GABRG3: variants seen among roughly 807,000 people sequenced by gnomAD.
The protein encoded by GABRG3 is gamma-aminobutyric acid receptor subunit gamma-3.
In GABRG3, 25 loss-of-function variants were observed where a neutral mutation model predicts 48.8. The ratio of observed to expected loss-of-function variants is 0.51; its 90% CI spans 0.37 to 0.72. The LOEUF (loss-of-function observed/expected upper bound fraction) is 0.72. Ranked by LOEUF, GABRG3 falls within the 30% of genes least tolerant of loss-of-function variation. GABRG3 has a pLI of 0.00. For synonymous variants in GABRG3, 227 were observed against 217.6 expected (o/e 1.04, Z -0.38); for missense variants, 394 against 577.9 (o/e 0.68, Z 3.26).
chr15:27,137,755 C>T lies in GABRG3; in HGVS notation c.270+110934C>T, dbSNP rs577509140. Among the ~76,000 whole-genome samples the T allele has an allele frequency of 8.5e-5, 13 of 152,248 alleles. No homozygotes were observed. The South Asian group carries it at 2.3e-3, about 27-fold the overall frequency. ...TACATCCAAGGCACATGTGGTTTTT[C>T]GTTTCATAAAGCGATAGATATTCTG... On this transcript the variant is annotated intron_variant, in intron 3 of 9. Transcript: ENST00000615808.
intron 6 of GABRG3, among the ~76,000 whole-genome samples, chr15:27,500,200 A>G (rs12101500): frequency 0.45 from 68,543 of 151,952 alleles, 15,813 homozygotes; most frequent in Middle Eastern, 0.53. Context: ...CAGGGAAGAC[A>G]GGGGATAGTG....
chr15:27,272,629 T>C (rs1005971105), intron 3 of GABRG3, among the ~76,000 whole-genome samples: 1 of 152,138 alleles, frequency 6.6e-6, no homozygotes, highest in African/African-American at 2.4e-5. Context: ...CTAATTAGAG[T>C]GGCTACAGCC....
chr15:26,996,806 C>T (rs898577806), intron 2 of GABRG3, among the ~76,000 whole-genome samples: 5 of 151,908 alleles, frequency 3.3e-5, no homozygotes, highest in South Asian at 2.1e-4. Flanking sequence ...CCTGCCACCA[C>T]GCCCAGCTAA....
rs60516105 is a variant in GABRG3 at position 27,001,888 on chromosome 15, G to GTTTTTTTTTT, written c.202+24744_202+24753dup. Among the ~76,000 whole-genome samples the GTTTTTTTTTT allele has an allele frequency of 9.2e-4, 112 of 121,196 alleles. 7 individuals carry two copies. The highest frequency in any genetic ancestry group is 5.4e-3 in the Middle Eastern group (1 of 186). 79.5% of individuals were successfully genotyped at this position (121,196 alleles called of 152,430 possible). A position where few individuals can be genotyped will look rare whatever the true frequency, so the allele number is the denominator to read the frequency against. ...CTTGAAGAGAGGTTCCCATAACTCA[G>GTTTTTTTTTT]TTTTTTTTTTTTTTTAAGATATGGT... On this transcript the variant is annotated intron_variant, in intron 2 of 9. Transcript: ENST00000615808.
At chr15:27,414,412 C>T (rs1372370164) in intron 5 of GABRG3, among the ~76,000 whole-genome samples, 1 of 152,048 alleles carries the variant, frequency 6.6e-6, no homozygotes. Flanking sequence ...CATTGGGAGA[C>T]GGATTTCTTC....
At chr15:27,350,337 A>G (rs1894519002) in intron 5 of GABRG3, 1 of 371,686 alleles carries the variant, frequency 2.7e-6, no homozygotes, top group Non-Finnish European at 5.4e-6. Context: ...CTGACTTCTC[A>G]TCGCGTGTTC....
chr15:27,512,592 A>C (rs1890921069), intron 6 of GABRG3, among the ~76,000 whole-genome samples: 1 of 152,246 alleles, frequency 6.6e-6, no homozygotes, highest in Admixed American at 6.5e-5. Context: ...TATGCAAAGC[A>C]CTGATAGTAT....
Position 27,447,991 on chromosome 15 carries a change from A to G in GABRG3, c.575-32659A>G, listed in dbSNP as rs1888992389. Among the ~76,000 whole-genome samples, 1 of 152,234 alleles carries G rather than the reference A, an allele frequency of 6.6e-6. No homozygotes were observed. The highest frequency in any genetic ancestry group is 1.5e-5 in the Non-Finnish European group (1 of 68,040). Reference sequence around the variant, plus strand: ...GTTCTGCACATGTATCCCAGAACTTAAAGTATAATAAGATAAAATACACAA... The same window carrying G: ...GTTCTGCACATGTATCCCAGAACTTGAAGTATAATAAGATAAAATACACAA... On this transcript the variant is annotated intron_variant, in intron 5 of 9. Coordinates refer to ENST00000615808, the MANE Select transcript of GABRG3 (RefSeq NM_033223.5). The surrounding 1 kb of genome is among the most constrained non-coding windows in gnomAD (Gnocchi z 4.0).
intron 2 of GABRG3, among the ~76,000 whole-genome samples, chr15:27,007,119 A>T (rs891211330): frequency 2.0e-5 from 3 of 150,584 alleles, no homozygotes. Flanking sequence ...TTGTTCTGTC[A>T]TCCTGGCTGG....
At chr15:27,336,204 AAGAAAG>A (rs1340993727) in intron 5 of GABRG3, among the ~76,000 whole-genome samples, 10 of 141,078 alleles carry the variant, frequency 7.1e-5, no homozygotes, top group African/African-American at 9.2e-5. Context: ...GAAAGAAAGA[AAGAAAG>A]AGAGAGAGAG....
At chr15:27,170,926 T>C (rs541863805) in intron 3 of GABRG3, among the ~76,000 whole-genome samples, 1 of 152,326 alleles carries the variant, frequency 6.6e-6, no homozygotes, top group Admixed American at 6.5e-5. Context: ...CTCAAGCAAT[T>C]TTCAAATTGA....
intron 6 of GABRG3, among the ~76,000 whole-genome samples, chr15:27,508,295 T>C (rs531473823): frequency 6.6e-6 from 1 of 152,352 alleles, no homozygotes; most frequent in South Asian, 2.1e-4. Flanking sequence ...CTGTTTAGAC[T>C]TATTGTGTAT....
At chr15:27,441,066 A>G (rs1224280660) in intron 5 of GABRG3, among the ~76,000 whole-genome samples, 1 of 152,236 alleles carries the variant, frequency 6.6e-6, no homozygotes, top group African/African-American at 2.4e-5. Context: ...CCAAGTGAGA[A>G]AAAAAGATCA....
At chr15:27,449,338 C>A (rs1469441055) in intron 5 of GABRG3, among the ~76,000 whole-genome samples, 1 of 152,138 alleles carries the variant, frequency 6.6e-6, no homozygotes, top group African/African-American at 2.4e-5. Context: ...CTGGTGAAGC[C>A]CGGAGAATTC....
At chr15:27,221,189 G>T (rs915798139) in intron 3 of GABRG3, among the ~76,000 whole-genome samples, 1 of 152,114 alleles carries the variant, frequency 6.6e-6, no homozygotes, top group Non-Finnish European at 1.5e-5. Flanking sequence ...TGTTCAGAGA[G>T]ACAGAAGCAT....
chr15:27,445,378 G>A (rs1298564037), intron 5 of GABRG3, among the ~76,000 whole-genome samples: 1 of 152,142 alleles, frequency 6.6e-6, no homozygotes, highest in East Asian at 1.9e-4. Flanking sequence ...AGCCATCCTG[G>A]TAAGTGTGAA....
intron 5 of GABRG3, among the ~76,000 whole-genome samples, chr15:27,451,428 T>G (rs1390873874): frequency 6.6e-6 from 1 of 151,946 alleles, no homozygotes; most frequent in African/African-American, 2.4e-5. Context: ...GACAAGAACA[T>G]GAAATGGGGA....
intron 3 of GABRG3, among the ~76,000 whole-genome samples, chr15:27,036,721 A>C (rs115923507): frequency 6.6e-6 from 1 of 152,046 alleles, no homozygotes; most frequent in Admixed American, 6.6e-5. Flanking sequence ...AATGCTGTAC[A>C]CTGACTATGT....
intron 5 of GABRG3, among the ~76,000 whole-genome samples, chr15:27,472,581 T>C (rs1889818965): frequency 6.6e-6 from 1 of 152,174 alleles, no homozygotes; most frequent in Admixed American, 6.5e-5. Flanking sequence ...TGGCAACATA[T>C]GTTGCTTTCT....
Sources: gnomAD v4.1 joint callset for allele counts (sites outside exome capture counted in the v4.1 genomes callset) on GRCh38, gnomAD v4.1.1 for gene constraint, Gnocchi (gnomAD v3.1) non-coding constraint, MANE v1.5 for transcripts, NCBI Gene and HGNC (gene_info 2026-07-23, HGNC 2026-07-21) for gene names.